C8orf89: variants seen among roughly 807,000 people sequenced by gnomAD.
The protein encoded by C8orf89 is putative uncharacterized protein C8orf89.
Under a neutral mutation model 15.8 loss-of-function variants are expected in C8orf89, and 14 were observed. The observed-to-expected ratio is 0.89, with a 90% CI of 0.59 to 1.39. The LOEUF is 1.39. Among genes scored for constraint, C8orf89 ranks in the 40% most tolerant of loss-of-function variants. The pLI is 0.00. For missense variants in C8orf89, 181 were observed against 184.5 expected, an observed-to-expected ratio of 0.98 and a Z score of 0.11; for synonymous variants, 55 against 62.2, an observed-to-expected ratio of 0.88 and a Z score of 0.54.
chr8:73,271,686 G>A, the C8orf89 span, among the ~76,000 whole-genome samples: 1 of 152,230 alleles, frequency 6.6e-6, no homozygotes, highest in South Asian at 2.1e-4. Context: ...CTAACTAAAT[G>A]CCTAGTGTAT....
At chr8:73,265,503 A>G in the C8orf89 span, among the ~76,000 whole-genome samples, 1 of 152,328 alleles carries the variant, frequency 6.6e-6, no homozygotes, top group East Asian at 1.9e-4. Context: ...GGCTTTAAGG[A>G]GATGACCCCC....
the C8orf89 span, among the ~76,000 whole-genome samples, chr8:73,283,917 C>T: frequency 1.3e-5 from 2 of 152,048 alleles, no homozygotes; most frequent in East Asian, 3.9e-4. Context: ...GTGGCACACA[C>T]CTGTAATCCC....
chr8:73,262,314 G>A (rs995595984), upstream of C8orf89, among the ~76,000 whole-genome samples: 4 of 152,072 alleles, frequency 2.6e-5, no homozygotes, highest in Non-Finnish European at 4.4e-5. Context: ...ACCCTCCAGC[G>A]GACATCTGCA....
chr8:73,275,028 T>C, the C8orf89 span, among the ~76,000 whole-genome samples: 1 of 152,202 alleles, frequency 6.6e-6, no homozygotes, highest in Non-Finnish European at 1.5e-5. Context: ...AAATGACTCC[T>C]AATACACATG....
chr8:73,266,863 C>G, the C8orf89 span, among the ~76,000 whole-genome samples: 1 of 151,962 alleles, frequency 6.6e-6, no homozygotes, highest in Admixed American at 6.6e-5. Flanking sequence ...AACTAGGGCC[C>G]CTGGAAGAAG....
intron 1 of C8orf89, 93 bp downstream of exon 1, chr8:73,259,239 C>T: frequency 2.7e-6 from 2 of 740,100 alleles, no homozygotes; most frequent in Non-Finnish European, 3.9e-6. Flanking sequence ...ATAAATGTCA[C>T]AGAAAATGTC....
upstream of C8orf89, among the ~76,000 whole-genome samples, chr8:73,261,288 G>A (rs1014154771): frequency 3.9e-5 from 6 of 152,116 alleles, no homozygotes; most frequent in African/African-American, 7.2e-5. Flanking sequence ...GCCTTTCTCC[G>A]GTGAGAGACA....
chr8:73,269,674 G>T, the C8orf89 span, among the ~76,000 whole-genome samples: 2 of 152,136 alleles, frequency 1.3e-5, no homozygotes, highest in African/African-American at 4.8e-5. Context: ...ATTCCTGCAG[G>T]CTGTGCACTA....
chr8:73,280,698 T>C, the C8orf89 span, among the ~76,000 whole-genome samples: 1 of 151,296 alleles, frequency 6.6e-6, no homozygotes, highest in African/African-American at 2.4e-5. Flanking sequence ...TATATACACA[T>C]ACATATACAT....
upstream of C8orf89, among the ~76,000 whole-genome samples, chr8:73,263,979 T>C (rs1302687579): frequency 6.6e-6 from 1 of 152,154 alleles, no homozygotes; most frequent in Admixed American, 6.6e-5. Flanking sequence ...TGTGTTTCTG[T>C]TTAAAGACAT....
At chr8:73,278,090 G>C in the C8orf89 span, 8 of 379,402 alleles carry the variant, frequency 2.1e-5, no homozygotes, top group Non-Finnish European at 3.5e-5. Flanking sequence ...CTTGGGGTGT[G>C]TGTCTGCCTG....
upstream of C8orf89, among the ~76,000 whole-genome samples, chr8:73,260,657 G>A (rs1377815512): frequency 6.6e-6 from 1 of 152,178 alleles, no homozygotes; most frequent in Non-Finnish European, 1.5e-5. Context: ...GGGCATTAGG[G>A]AAGCATTTCT....
intron 2 of C8orf89, among the ~76,000 whole-genome samples, chr8:73,252,346 G>T (rs1449696077): frequency 6.6e-6 from 1 of 152,096 alleles, no homozygotes; most frequent in African/African-American, 2.4e-5. Context: ...AACATATAGT[G>T]GCATGACAAA....
chr8:73,250,775 A>G (rs1037059337), intron 2 of C8orf89, among the ~76,000 whole-genome samples: 2 of 152,136 alleles, frequency 1.3e-5, no homozygotes, highest in Non-Finnish European at 2.9e-5. Context: ...TGTGGGTGAG[A>G]TAATCCATTA....
chr8:73,250,356 C>T, intron 2 of C8orf89, 33 bp from the exon 3 acceptor site: 1 of 1,282,022 alleles, frequency 7.8e-7, no homozygotes. Flanking sequence ...AAATTACTTA[C>T]ATATAAATTC....
intron 3 of C8orf89, among the ~76,000 whole-genome samples, chr8:73,243,890 A>G (rs1449587311): frequency 6.6e-6 from 1 of 152,152 alleles, no homozygotes; most frequent in Admixed American, 6.5e-5. Context: ...AAAACCTTTA[A>G]TGCTTGTATT....
chr8:73,256,684 C>A (rs1375112663), intron 2 of C8orf89, among the ~76,000 whole-genome samples: 2 of 133,770 alleles, frequency 1.5e-5, no homozygotes, highest in Non-Finnish European at 3.1e-5. Context: ...GCCAAGATCA[C>A]ACCACTGTAC....
the C8orf89 span, among the ~76,000 whole-genome samples, chr8:73,276,805 A>ATTTTTTT: frequency 9.8e-3 from 862 of 87,588 alleles, 26 homozygotes; most frequent in East Asian, 0.012. Context: ...CACAGCAGTC[A>ATTTTTTT]TTTTTTTTTT....
At chr8:73,247,437 T>C (rs1173235741) in intron 3 of C8orf89, among the ~76,000 whole-genome samples, 1 of 152,242 alleles carries the variant, frequency 6.6e-6, no homozygotes, top group Non-Finnish European at 1.5e-5. Context: ...GAAGGATTTA[T>C]AGTCCTTTGG....
Sources: allele counts gnomAD v4.1 joint callset (sites outside exome capture counted in the v4.1 genomes callset), GRCh38; gene constraint gnomAD v4.1.1; transcripts MANE v1.5; gene names NCBI Gene and HGNC (gene_info 2026-07-23, HGNC 2026-07-21).